Variants in RAB6A observed in about 807,000 individuals in gnomAD.
RAB6A encodes the protein RAB6A, member RAS oncogene family, also known as ras-related protein Rab-6A.
Under a neutral mutation model 32.3 loss-of-function variants are expected in RAB6A, and 8 were observed. The observed-to-expected ratio is 0.25, with a 90% CI of 0.15 to 0.45. The LOEUF (loss-of-function observed/expected upper bound fraction) is 0.45. Ranked by LOEUF, RAB6A falls within the 20% of genes least tolerant of loss-of-function variation. The pLI is 1.00. For synonymous variants in RAB6A, 73 were observed against 82.1 expected (o/e 0.89, Z 0.60); for missense variants, 104 against 249.4 (o/e 0.42, Z 3.93).
intron 3 of RAB6A, chr11:73,719,008 T>C (rs1282397205): frequency 4.6e-6 from 4 of 869,446 alleles, no homozygotes; most frequent in East Asian, 2.7e-5. Flanking sequence ...AGAAGACTCA[T>C]GCAAGAGGTT....
intron 2 of RAB6A, 179 bp downstream of exon 2, chr11:73,730,586 G>A (rs1946287719): frequency 1.9e-6 from 1 of 538,612 alleles, no homozygotes; most frequent in Non-Finnish European, 3.3e-6. Flanking sequence ...GAAATCAAAT[G>A]ATAAAAGTTT....
intron 2 of RAB6A, chr11:73,729,489 C>T (rs1946273016): frequency 6.6e-6 from 1 of 152,216 alleles, no homozygotes; most frequent in South Asian, 2.1e-4. Flanking sequence ...GTCAGTCTAG[C>T]TAAAGTTAGT....
At chr11:73,725,110 T>C (rs916057778) in intron 2 of RAB6A, among the ~76,000 whole-genome samples, 1 of 152,244 alleles carries the variant, frequency 6.6e-6, no homozygotes, top group Non-Finnish European at 1.5e-5. Context: ...TACTGTTACA[T>C]GTACTTAGAT....
At chr11:73,751,283 G>A (rs868668) in intron 1 of RAB6A, among the ~76,000 whole-genome samples, 41,035 of 151,900 alleles carry the variant, frequency 0.27, 5,624 homozygotes, top group African/African-American at 0.32. Context: ...GAAAGACCCC[G>A]TCTCAAAAAA....
chr11:73,696,549 A>C (rs552867566), intron 6 of RAB6A, among the ~76,000 whole-genome samples: 1 of 152,094 alleles, frequency 6.6e-6, no homozygotes, highest in African/African-American at 2.4e-5. Flanking sequence ...TTCTTAAATG[A>C]AAGATTATTT....
chr11:73,760,961 G>C lies in RAB6A; in HGVS notation c.-326C>G, dbSNP rs1946836286. On this transcript the variant is annotated 5_prime_UTR_variant, in exon 1 of 8. Transcript: ENST00000336083. ...CTTCCGCACTCGGCTCCCAGACCTGGGGAAGAGAAGCTGAGGGTGGCGGAG... is the reference window on the plus strand; with the variant it reads ...CTTCCGCACTCGGCTCCCAGACCTGCGGAAGAGAAGCTGAGGGTGGCGGAG... 3.5e-6 allele frequency: 1 copy of C among 287,982 alleles called. No individual in the cohort carries two copies. The highest frequency in any genetic ancestry group is 1.2e-4 in the South Asian group (1 of 8,596). The allele number at this position is 287,982 out of a possible 1,614,324, so 17.8% of individuals were successfully genotyped here. A position where few individuals can be genotyped will look rare whatever the true frequency, so the allele number is the denominator to read the frequency against.
Position 73,718,804 on chromosome 11 carries a change from T to C in RAB6A, c.184-86A>G, listed in dbSNP as rs373378980. 3.7e-6 allele frequency: 6 copies of C among 1,613,676 alleles called. No individual in the cohort carries two copies. The African/African-American group carries it at 8.0e-5, about 22-fold the overall frequency. ...ACCTACTTGTGATATCGTAAACTACTACAGCTGCAGCAGAATCACGGATGT... is the reference window on the plus strand; with the variant it reads ...ACCTACTTGTGATATCGTAAACTACCACAGCTGCAGCAGAATCACGGATGT... On this transcript the variant is annotated intron_variant, in intron 3 of 7. Coordinates refer to ENST00000336083, the MANE Select transcript of RAB6A (RefSeq NM_198896.2).
chr11:73,688,887 T>C (rs1025967156), intron 6 of RAB6A, among the ~76,000 whole-genome samples: 3 of 152,114 alleles, frequency 2.0e-5, no homozygotes, highest in African/African-American at 7.2e-5. Context: ...TCCCAGCACT[T>C]TGGGAAGCCG....
At chr11:73,730,697 T>TA in intron 2 of RAB6A, 68 bp downstream of exon 2, 1 of 1,299,176 alleles carries the variant, frequency 7.7e-7, no homozygotes, top group Non-Finnish European at 1.1e-6. Flanking sequence ...AAATAATTTT[T>TA]TAAAAATATC....
At chr11:73,716,956 C>T (rs887768029) in intron 4 of RAB6A, among the ~76,000 whole-genome samples, 17 of 152,158 alleles carry the variant, frequency 1.1e-4, no homozygotes, top group African/African-American at 3.9e-4. Context: ...ACACTTCTTA[C>T]AGCAGCTAAA....
At position 73,694,332 on chromosome 11, in the gene RAB6A, C is replaced by T. The variant is rs903321430; in HGVS notation, c.495+13088G>A. On this transcript the variant is annotated intron_variant, in intron 6 of 7. Coordinates refer to ENST00000336083, the MANE Select transcript of RAB6A (RefSeq NM_198896.2). ...TTTGTGAGGAAAATGTTAATAACCC[C>T]ATTTTAAACAAATCTAAGGCTAAAG... is the stretch of plus-strand genomic sequence containing the variant. Among the ~76,000 whole-genome samples, 21 of 152,250 alleles carry T rather than the reference C, an allele frequency of 1.4e-4. No homozygotes were observed. In the East Asian group the frequency reaches 1.9e-3, roughly 14 times the overall value.
intron 6 of RAB6A, among the ~76,000 whole-genome samples, chr11:73,687,568 T>C (rs1237977313): frequency 2.0e-5 from 3 of 152,146 alleles, no homozygotes; most frequent in Non-Finnish European, 4.4e-5. Flanking sequence ...GAAAAGTACA[T>C]GGGGCCAGGC....
At chr11:73,704,004 G>C (rs547701073) in intron 6 of RAB6A, among the ~76,000 whole-genome samples, 103 of 151,198 alleles carry the variant, frequency 6.8e-4, no homozygotes, top group Non-Finnish European at 1.3e-3. Context: ...ACTCCAGCCT[G>C]GGCAACAGAG....
chr11:73,739,284 A>ATATATAT (rs1555066942), intron 1 of RAB6A, among the ~76,000 whole-genome samples: 17 of 6,750 alleles, frequency 2.5e-3, no homozygotes, highest in South Asian at 0.015. Flanking sequence ...AAAAAAAAAA[A>ATATATAT]ATATATATAT....
At chr11:73,755,558 G>C (rs1403154292) in intron 1 of RAB6A, among the ~76,000 whole-genome samples, 1 of 152,154 alleles carries the variant, frequency 6.6e-6, no homozygotes, top group Non-Finnish European at 1.5e-5. Context: ...CTCCCAAAGT[G>C]CTGGGATTAT....
chr11:73,677,903 AG>A lies in RAB6A; in HGVS notation c.621del (p.Cys208AlafsTer27). The A allele has an allele frequency of 6.2e-7, 1 of 1,614,234 alleles. No individual in the cohort carries two copies. Among genetic ancestry groups the A allele is most frequent in the Non-Finnish European group, 8.5e-7 (1 of 1,180,028 alleles). On this transcript the variant is annotated frameshift_variant, in exon 8 of 8. Transcript: ENST00000336083. LOFTEE classifies it high-confidence loss of function. ...QEQPVSEGGC[S>X]C ...GTTGAAGATGACATGGGAGATTAGC[AG>A]GAACAGCCTCCTTCACTGACTGGTT...
At chr11:73,731,678 T>C (rs1056740960) in intron 1 of RAB6A, among the ~76,000 whole-genome samples, 8 of 126,778 alleles carry the variant, frequency 6.3e-5, no homozygotes, top group African/African-American at 2.1e-4. Flanking sequence ...GATAGATAGA[T>C]AGATATTATA....
intron 7 of RAB6A, among the ~76,000 whole-genome samples, chr11:73,678,945 T>C (rs10898933): frequency 0.91 from 138,983 of 151,924 alleles, 63,751 homozygotes; most frequent in East Asian, 1. Context: ...AGGCTGGTCT[T>C]GAACTCCCGA....
At chr11:73,747,524 T>C (rs1946609659) in intron 1 of RAB6A, among the ~76,000 whole-genome samples, 1 of 150,356 alleles carries the variant, frequency 6.7e-6, no homozygotes, top group Non-Finnish European at 1.5e-5. Context: ...GATAAAATCT[T>C]ACATAACCAC....
Sources: gnomAD v4.1 joint callset for allele counts (sites outside exome capture counted in the v4.1 genomes callset) on GRCh38, gnomAD v4.1.1 for gene constraint, MANE v1.5 for transcripts, NCBI Gene and HGNC (gene_info 2026-07-23, HGNC 2026-07-21) for gene names.